FRMPD4: variants seen among roughly 807,000 people sequenced by gnomAD.
The protein encoded by FRMPD4 is FERM and PDZ domain-containing protein 4.
Under a neutral mutation model 94.1 loss-of-function variants are expected in FRMPD4, and 22 were observed. That is an observed-to-expected ratio of 0.23 (90% CI 0.17 to 0.33). The LOEUF is 0.33. Among genes scored for constraint, FRMPD4 ranks in the 10% least tolerant of loss-of-function variants. FRMPD4 has a pLI of 1.00. For missense variants in FRMPD4, 1,111 were observed against 1,339.9 expected (o/e 0.83, Z 2.67); for synonymous variants, 631 against 548.6 (o/e 1.15, Z -2.10).
intron 1 of FRMPD4, among the ~76,000 whole-genome samples, chrX:12,318,755 A>T (rs1197627041): frequency 1.8e-5 from 2 of 111,517 alleles, no homozygotes; most frequent in Non-Finnish European, 3.8e-5. Flanking sequence ...TATATTTGCA[A>T]ATAGCTAAAA....
intron 3 of FRMPD4, among the ~76,000 whole-genome samples, chrX:11,894,938 T>C (rs1203212805): frequency 8.9e-6 from 1 of 112,113 alleles, no homozygotes; most frequent in African/African-American, 3.2e-5. Context: ...TGGAGTGATC[T>C]ACATGCGGCA....
At chrX:12,690,546 GTCAT>G (rs1046280968) in intron 8 of FRMPD4, among the ~76,000 whole-genome samples, 9 of 112,119 alleles carry the variant, frequency 8.0e-5, no homozygotes, top group African/African-American at 1.3e-4. Context: ...AACTAGATTT[GTCAT>G]TCAAAGTCTC....
rs994960188 is a variant in FRMPD4, at chrX:12,577,948, A to G, written c.159-31773A>G. Among the ~76,000 whole-genome samples the G allele has an allele frequency of 3.6e-5, 4 of 112,661 alleles. No individual in the cohort carries two copies. In the East Asian group the frequency reaches 1.1e-3, roughly 32 times the overall value. ...TTATTTTATCACAGTTCTGGAGGCT[A>G]GAAGTCCATGATTAGTGTGCCAGCA... is the stretch of plus-strand genomic sequence containing the variant. On this transcript the variant is annotated intron_variant, in intron 2 of 16. Coordinates refer to ENST00000675598, the MANE Select transcript of FRMPD4 (RefSeq NM_001368397.1).
chrX:11,862,125 C>T (rs994461857), intron 1 of FRMPD4, among the ~76,000 whole-genome samples: 1 of 111,498 alleles, frequency 9.0e-6, no homozygotes, highest in Non-Finnish European at 1.9e-5. Flanking sequence ...ATCCAATCCA[C>T]CTCCCACCAG....
intron 2 of FRMPD4, among the ~76,000 whole-genome samples, chrX:12,501,657 G>A (rs1479722034): frequency 1.8e-5 from 2 of 111,084 alleles, no homozygotes; most frequent in Non-Finnish European, 3.8e-5. Context: ...GAGAAATTTA[G>A]ATGTTTTCTT....
At chrX:12,166,747 A>C (rs1286001007) in intron 1 of FRMPD4, among the ~76,000 whole-genome samples, 53 of 111,296 alleles carry the variant, frequency 4.8e-4, no homozygotes, top group Non-Finnish European at 6.6e-4. Flanking sequence ...TTGGTCTATT[A>C]AGAGATTCAA....
At chrX:12,074,511 CTGAT>C (rs2054996383) in intron 3 of FRMPD4, among the ~76,000 whole-genome samples, 1 of 111,761 alleles carries the variant, frequency 8.9e-6, no homozygotes, top group South Asian at 3.8e-4. Context: ...AGATAATTGA[CTGAT>C]ATAAAATTTG....
chrX:12,334,636 A>G (rs1219514276), intron 1 of FRMPD4, among the ~76,000 whole-genome samples: 1 of 108,672 alleles, frequency 9.2e-6, no homozygotes, highest in African/African-American at 3.4e-5. Flanking sequence ...CAACTTATGT[A>G]TAGGCAGGTA....
chrX:12,222,527 A>G (rs946071695), intron 1 of FRMPD4, among the ~76,000 whole-genome samples: 1 of 111,940 alleles, frequency 8.9e-6, no homozygotes. Flanking sequence ...GAAGTTTACC[A>G]TTTTAAGTGC....
chrX:12,279,052 A>T (rs769965416), intron 1 of FRMPD4, among the ~76,000 whole-genome samples: 11 of 113,024 alleles, frequency 9.7e-5, no homozygotes, highest in Non-Finnish European at 1.7e-4. Context: ...TCTGCCTATC[A>T]AAGCTCCCTG....
At chrX:12,474,982 T>C (rs1402842938) in intron 1 of FRMPD4, among the ~76,000 whole-genome samples, 35 of 111,829 alleles carry the variant, frequency 3.1e-4, no homozygotes, top group African/African-American at 1.1e-3. Flanking sequence ...ATCATCCTGA[T>C]ACCAAAGCCT....
chrX:12,557,085 G>A (rs2058603367), intron 2 of FRMPD4, among the ~76,000 whole-genome samples: 2 of 112,189 alleles, frequency 1.8e-5, no homozygotes, highest in Non-Finnish European at 3.8e-5. Context: ...GATTATAGGT[G>A]TGAGCCACTG....
chrX:12,540,531 A>C (rs769575750), intron 2 of FRMPD4, among the ~76,000 whole-genome samples: 2 of 112,064 alleles, frequency 1.8e-5, no homozygotes, highest in South Asian at 3.8e-4. Flanking sequence ...ATTCAACAAG[A>C]AGAGCTAACT....
chrX:12,435,192 T>A lies in FRMPD4; in HGVS notation c.42-63488T>A, dbSNP rs2057051314. The stretch of plus-strand genomic sequence containing the variant: ...TTATAAATGGAGTCCATTCTTCTAT[T>A]ACGTACTCTAACTGGTTAAAATGTG... On this transcript the variant is annotated intron_variant, in intron 1 of 16. Transcript: ENST00000675598. 2.7e-5 allele frequency among the ~76,000 whole-genome samples: 3 copies of A among 111,921 alleles called. No individual in the cohort carries two copies. In the Admixed American group the frequency reaches 2.8e-4, roughly 11 times the overall value.
chrX:12,694,325 A>G lies in FRMPD4; in HGVS notation c.814-10A>G, dbSNP rs764940541. ...TGAAGGGTTCTTGTGTGATTGGTCTACTCTTCCAGGTGACACAGAGGCCCA... is the reference window on the plus strand; with the variant it reads ...TGAAGGGTTCTTGTGTGATTGGTCTGCTCTTCCAGGTGACACAGAGGCCCA... On this transcript the variant is annotated splice_polypyrimidine_tract_variant and intron_variant, in intron 8 of 16. Coordinates refer to ENST00000675598, the MANE Select transcript of FRMPD4 (RefSeq NM_001368397.1). 8 of 1,196,532 alleles carry G rather than the reference A, an allele frequency of 6.7e-6. No homozygotes were observed. In the South Asian group the frequency reaches 7.1e-5, roughly 11 times the overall value.
chrX:12,512,142 GT>G (rs1292311284), intron 2 of FRMPD4, among the ~76,000 whole-genome samples: 1 of 112,501 alleles, frequency 8.9e-6, no homozygotes, highest in African/African-American at 3.2e-5. Context: ...TAGCAATGAA[GT>G]ATTTTTAATT....
chrX:11,878,906 A>T (rs2053799303), intron 3 of FRMPD4, among the ~76,000 whole-genome samples: 1 of 112,158 alleles, frequency 8.9e-6, no homozygotes, highest in Admixed American at 9.4e-5. Context: ...CCAAATATAG[A>T]GGAACTGCCA....
At chrX:12,286,556 T>C (rs1452163357) in intron 1 of FRMPD4, among the ~76,000 whole-genome samples, 1 of 112,345 alleles carries the variant, frequency 8.9e-6, no homozygotes, top group South Asian at 3.7e-4. Context: ...TACTGCCATT[T>C]TGTGATTAGC....
intron 1 of FRMPD4, among the ~76,000 whole-genome samples, chrX:12,347,130 T>C (rs967806311): frequency 8.9e-6 from 1 of 112,256 alleles, no homozygotes; most frequent in African/African-American, 3.2e-5. Flanking sequence ...TTCATATTCT[T>C]TCTAGTATAT....
Sources: allele counts gnomAD v4.1 joint callset (sites outside exome capture counted in the v4.1 genomes callset), GRCh38; gene constraint gnomAD v4.1.1; transcripts MANE v1.5; gene names NCBI Gene and HGNC (gene_info 2026-07-23, HGNC 2026-07-21).